Variants in SMURF2 observed in about 807,000 individuals in gnomAD.
The protein encoded by SMURF2 is E3 ubiquitin-protein ligase SMURF2.
Under a neutral mutation model 109.6 loss-of-function variants are expected in SMURF2, and 48 were observed. The ratio of observed to expected loss-of-function variants is 0.44; its 90% CI spans 0.35 to 0.56. SMURF2 has a LOEUF of 0.56. Ranked by LOEUF, SMURF2 falls within the 20% of genes least tolerant of loss-of-function variation. The pLI, the probability that SMURF2 is intolerant of heterozygous loss-of-function variation, is 0.01. For missense variants in SMURF2, 575 were observed against 909.0 expected (o/e 0.63, Z 4.72); for synonymous variants, 288 against 317.1 (o/e 0.91, Z 0.97).
chr17:64,662,283 T>C lies in SMURF2; in HGVS notation c.-403A>G. ...GAGCAGAACTCTGGGCTCGGCCGCTTCCTCCTCCACCCGCCCTCTTGTCTG... is the reference window on the plus strand; with the variant it reads ...GAGCAGAACTCTGGGCTCGGCCGCTCCCTCCTCCACCCGCCCTCTTGTCTG... On this transcript the variant is annotated 5_prime_UTR_variant, in exon 1 of 19. Transcript: ENST00000262435. 11 of 981,140 alleles carry C rather than the reference T, an allele frequency of 1.1e-5. No homozygotes were observed. The highest frequency in any genetic ancestry group is 1.3e-5 in the Non-Finnish European group (11 of 828,114). 60.8% of individuals were successfully genotyped at this position (981,140 alleles called of 1,614,324 possible).
At chr17:64,583,381 G>C in intron 7 of SMURF2, 80 bp downstream of exon 7, 3 of 1,186,210 alleles carry the variant, frequency 2.5e-6, no homozygotes, top group Non-Finnish European at 3.7e-6. Flanking sequence ...AAAAAATCTA[G>C]TAAAGCTGAC....
Position 64,547,474 on chromosome 17 carries a change from G to C in SMURF2, c.2071+126C>G. 1 of 758,114 alleles carries C rather than the reference G, an allele frequency of 1.3e-6. No homozygotes were observed. The highest frequency in any genetic ancestry group is 2.2e-6 in the Non-Finnish European group (1 of 463,332). The allele number at this position is 758,114 out of a possible 1,614,324, so 47.0% of individuals were successfully genotyped here. On this transcript the variant is annotated intron_variant, in intron 17 of 18. Transcript: ENST00000262435. This position sits in a 1 kb window ranked among gnomAD's most constrained non-coding sequence, Gnocchi z 4.2. The stretch of plus-strand genomic sequence containing the variant: ...GGGAGAAGAAGGTATCACAATGTGA[G>C]AGTCACAGATAAGAAGTGAAAAAGA...
intron 10 of SMURF2, among the ~76,000 whole-genome samples, chr17:64,568,118 T>A (rs1555685225): frequency 6.6e-6 from 1 of 152,072 alleles, no homozygotes; most frequent in Non-Finnish European, 1.5e-5. Flanking sequence ...CCTCCCAAAG[T>A]GGTGGGATTA....
intron 1 of SMURF2, 45 bp from the exon 2 acceptor site, chr17:64,606,685 T>G: frequency 7.4e-7 from 1 of 1,348,440 alleles, no homozygotes; most frequent in Non-Finnish European, 1.0e-6. Flanking sequence ...AATTAAAATG[T>G]TAAGAGTGTA....
chr17:64,560,493 A>T (rs1348117858), intron 12 of SMURF2, among the ~76,000 whole-genome samples: 14 of 152,208 alleles, frequency 9.2e-5, no homozygotes, highest in Non-Finnish European at 1.8e-4. Flanking sequence ...AATGCTAAAT[A>T]ACAATTAATG....
chr17:64,661,259 C>T (rs1445024989), intron 1 of SMURF2, among the ~76,000 whole-genome samples: 3 of 152,166 alleles, frequency 2.0e-5, no homozygotes, highest in Non-Finnish European at 4.4e-5. Context: ...CCTGTCTCCT[C>T]ACCTCAGAGA....
intron 1 of SMURF2, among the ~76,000 whole-genome samples, chr17:64,638,640 A>C (rs1970453732): frequency 6.6e-6 from 1 of 152,260 alleles, no homozygotes; most frequent in Non-Finnish European, 1.5e-5. Flanking sequence ...ACAAAATCTT[A>C]AAGAATTTTC....
chr17:64,635,399 T>G (rs144049169), intron 1 of SMURF2, among the ~76,000 whole-genome samples: 169 of 152,240 alleles, frequency 1.1e-3, no homozygotes, highest in African/African-American at 3.9e-3. Flanking sequence ...TTCAATAATT[T>G]TTAGCATAGT....
rs1327886862 is a variant in SMURF2 at position 64,662,093 on chromosome 17, G to C, written c.-213C>G. The C allele has an allele frequency of 2.8e-6, 3 of 1,066,000 alleles. No individual in the cohort carries two copies. The African/African-American group carries it at 5.1e-5, about 18-fold the overall frequency. The allele number at this position is 1,066,000 out of a possible 1,614,324, so 66.0% of individuals were successfully genotyped here. On this transcript the variant is annotated 5_prime_UTR_variant, in exon 1 of 19. Coordinates refer to ENST00000262435, the MANE Select transcript of SMURF2 (RefSeq NM_022739.4). ...CCCTCCTCCCACTTCTCCTTCCTCG[G>C]CCCGGGCCGCACAACAAAGCGGCAG...
intron 6 of SMURF2, among the ~76,000 whole-genome samples, chr17:64,585,588 G>C (rs1403509057): frequency 6.6e-6 from 1 of 152,164 alleles, no homozygotes; most frequent in Non-Finnish European, 1.5e-5. Context: ...GATTTCAGAA[G>C]CATGGCTATA....
chr17:64,662,046 G>T lies in SMURF2; in HGVS notation c.-166C>A. The T allele has an allele frequency of 9.0e-7, 1 of 1,114,410 alleles. No individual in the cohort carries two copies. The highest frequency in any genetic ancestry group is 1.1e-6 in the Non-Finnish European group (1 of 912,930). The allele number at this position is 1,114,410 out of a possible 1,614,324, so 69.0% of individuals were successfully genotyped here. A position where few individuals can be genotyped will look rare whatever the true frequency, so the allele number is the denominator to read the frequency against. On this transcript the variant is annotated 5_prime_UTR_variant, in exon 1 of 19. Transcript: ENST00000262435. ...GAGAGTCGTCGCCATGAGCCGCGGAGGGAGCGGGACGCCGAGCTCCCCCCT... is the reference window on the plus strand; with the variant it reads ...GAGAGTCGTCGCCATGAGCCGCGGATGGAGCGGGACGCCGAGCTCCCCCCT...
At chr17:64,615,064 T>C (rs545444751) in intron 1 of SMURF2, among the ~76,000 whole-genome samples, 3 of 152,200 alleles carry the variant, frequency 2.0e-5, no homozygotes, top group African/African-American at 4.8e-5. Flanking sequence ...AACCAGGTAA[T>C]AGTATCAGAG....
At chr17:64,645,370 G>A (rs1275911151) in intron 1 of SMURF2, among the ~76,000 whole-genome samples, 1 of 152,034 alleles carries the variant, frequency 6.6e-6, no homozygotes, top group Non-Finnish European at 1.5e-5. Context: ...TCCGGATTCT[G>A]ATTAAACAAA....
intron 1 of SMURF2, among the ~76,000 whole-genome samples, chr17:64,618,182 T>C (rs1276501946): frequency 6.6e-6 from 1 of 152,186 alleles, no homozygotes; most frequent in African/African-American, 2.4e-5. Context: ...CCTATAATCC[T>C]AGCACTTTGG....
rs1316198250 is a variant in SMURF2, at chr17:64,581,085, TATC to T, written c.570-97_570-95del. ...TATATATACTGCAGTAACAACCACTTATCATGTCTGAAAACAGAATGACTAATA... is the reference window on the plus strand; with the variant it reads ...TATATATACTGCAGTAACAACCACTTATGTCTGAAAACAGAATGACTAATA... On this transcript the variant is annotated intron_variant, in intron 7 of 18. Coordinates refer to ENST00000262435, the MANE Select transcript of SMURF2 (RefSeq NM_022739.4). The surrounding 1 kb of genome is among the most constrained non-coding windows in gnomAD (Gnocchi z 4.3). The T allele has an allele frequency of 4.4e-5, 48 of 1,092,838 alleles. No individual in the cohort carries two copies. The highest frequency in any genetic ancestry group is 5.8e-5 in the Non-Finnish European group (43 of 742,472). The allele number at this position is 1,092,838 out of a possible 1,614,324, so 67.7% of individuals were successfully genotyped here. A position where few individuals can be genotyped will look rare whatever the true frequency, so the allele number is the denominator to read the frequency against.
chr17:64,651,037 C>A lies in SMURF2; in HGVS notation c.52+10792G>T, dbSNP rs184290730. Among the ~76,000 whole-genome samples the A allele has an allele frequency of 6.1e-4, 92 of 151,530 alleles. 1 individual carries two copies. In the East Asian group the frequency reaches 0.018, roughly 29 times the overall value. On this transcript the variant is annotated intron_variant, in intron 1 of 18. Transcript: ENST00000262435. ...GAACAGCCTGGCCAACACAGCAAAA[C>A]CCTGTCTCTACTAAAAATACATGGT...
chr17:64,629,208 T>C (rs1324580917), intron 1 of SMURF2, among the ~76,000 whole-genome samples: 1 of 152,146 alleles, frequency 6.6e-6, no homozygotes, highest in Non-Finnish European at 1.5e-5. Context: ...GTATCACTAA[T>C]CAGAAGAAAG....
chr17:64,625,697 C>T (rs1555691098), intron 1 of SMURF2, among the ~76,000 whole-genome samples: 1 of 152,164 alleles, frequency 6.6e-6, no homozygotes, highest in Non-Finnish European at 1.5e-5. Flanking sequence ...ACCGCTGAGT[C>T]CTAACTCCAG....
At chr17:64,579,289 CT>C (rs554525743) in intron 8 of SMURF2, among the ~76,000 whole-genome samples, 89 of 146,606 alleles carry the variant, frequency 6.1e-4, no homozygotes, top group Admixed American at 1.1e-3. Flanking sequence ...TTTGTTTTGT[CT>C]TTTTTTTTTA....
Sources: allele counts gnomAD v4.1 joint callset (sites outside exome capture counted in the v4.1 genomes callset), GRCh38; gene constraint gnomAD v4.1.1; non-coding constraint Gnocchi (gnomAD v3.1); transcripts MANE v1.5; gene names NCBI Gene and HGNC (gene_info 2026-07-23, HGNC 2026-07-21).